TBC1D31: variants seen among roughly 807,000 people sequenced by gnomAD.
The protein encoded by TBC1D31 is WD repeat domain 67.
A neutral mutation model predicts 132.9 loss-of-function variants in TBC1D31; 99 were observed. The ratio of observed to expected loss-of-function variants is 0.74; its 90% CI spans 0.63 to 0.88. TBC1D31 has a LOEUF of 0.88. TBC1D31 is among the 40% of genes least tolerant of loss of function. TBC1D31 has a pLI of 0.00. For synonymous variants in TBC1D31, 385 were observed against 419.4 expected (o/e 0.92, Z 1.00); for missense variants, 1,134 against 1,256.6 (o/e 0.90, Z 1.48).
At chr8:123,101,912 AC>A (rs951099950) in intron 7 of TBC1D31, among the ~76,000 whole-genome samples, 39 of 152,248 alleles carry the variant, frequency 2.6e-4, no homozygotes, top group Admixed American at 2.4e-3. Flanking sequence ...AACTAGTGCT[AC>A]TTTAGTGGCT....
the TBC1D31 span, among the ~76,000 whole-genome samples, chr8:123,159,826 C>T: frequency 6.6e-6 from 1 of 151,394 alleles, no homozygotes; most frequent in Non-Finnish European, 1.5e-5. Context: ...ATGATTAATA[C>T]GCTGAGGGGT....
chr8:123,160,693 C>T, the TBC1D31 span, among the ~76,000 whole-genome samples: 1 of 152,308 alleles, frequency 6.6e-6, no homozygotes, highest in East Asian at 1.9e-4. Context: ...GCGCCACTAG[C>T]CGGTACAGGG....
At position 123,126,833 on chromosome 8, in the gene TBC1D31, C is replaced by T. The variant is rs889165594; in HGVS notation, c.1884+146C>T. 9.3e-5 allele frequency: 59 copies of T among 637,236 alleles called. No homozygotes were observed. The African/African-American group carries it at 1.1e-3, about 12-fold the overall frequency. The allele number at this position is 637,236 out of a possible 1,614,324, so 39.5% of individuals were successfully genotyped here. A position where few individuals can be genotyped will look rare whatever the true frequency, so the allele number is the denominator to read the frequency against. ...CTCAGCTCACTGCAACCTCCGCCTCCCAAGTTCAAGCGATTCTCCTGCCTC... is the reference window on the plus strand; with the variant it reads ...CTCAGCTCACTGCAACCTCCGCCTCTCAAGTTCAAGCGATTCTCCTGCCTC... On this transcript the variant is annotated intron_variant, in intron 13 of 21. Coordinates refer to ENST00000287380, the MANE Select transcript of TBC1D31 (RefSeq NM_145647.4).
intron 5 of TBC1D31, among the ~76,000 whole-genome samples, chr8:123,093,966 TTG>T (rs776616323): frequency 1.4e-4 from 22 of 152,112 alleles, no homozygotes; most frequent in Non-Finnish European, 2.6e-4. Context: ...TTTTTTTTGT[TTG>T]TGTGTGTGTG....
the TBC1D31 span, among the ~76,000 whole-genome samples, chr8:123,162,984 CCA>C: frequency 6.6e-6 from 1 of 152,090 alleles, no homozygotes; most frequent in African/African-American, 2.4e-5. Flanking sequence ...AGGCGCGCCA[CCA>C]CACTCAGCTA....
rs564251628 is a variant in TBC1D31 at position 123,093,579 on chromosome 8, A to G, written c.520-12A>G. The G allele has an allele frequency of 7.6e-6, 12 of 1,585,782 alleles. No individual in the cohort carries two copies. The highest frequency in any genetic ancestry group is 6.7e-5 in the African/African-American group (5 of 74,388). On this transcript the variant is annotated splice_polypyrimidine_tract_variant and intron_variant, in intron 4 of 21. Coordinates refer to ENST00000287380, the MANE Select transcript of TBC1D31 (RefSeq NM_145647.4). Reference sequence around the variant, plus strand: ...CCTTATGTGAAAACTAACTTTCTCTATTCCTCCTTAGGTTTTCTTTCTACC... The same window carrying G: ...CCTTATGTGAAAACTAACTTTCTCTGTTCCTCCTTAGGTTTTCTTTCTACC...
intron 4 of TBC1D31, 46 bp from the exon 5 acceptor site, chr8:123,093,545 C>G (rs752000762): frequency 9.5e-5 from 132 of 1,385,248 alleles, no homozygotes; most frequent in Non-Finnish European, 9.6e-5. Context: ...TTTAAAGTCT[C>G]TATGTGAACC....
intron 2 of TBC1D31, among the ~76,000 whole-genome samples, chr8:123,077,983 G>A (rs1156864882): frequency 6.6e-6 from 1 of 151,926 alleles, no homozygotes; most frequent in East Asian, 1.9e-4. Flanking sequence ...AGGAGGTGGA[G>A]GTTTCAGTGA....
At chr8:123,157,043 C>G (rs1049938607), downstream of TBC1D31, among the ~76,000 whole-genome samples, 9 of 152,230 alleles carry the variant, frequency 5.9e-5, no homozygotes, top group African/African-American at 1.9e-4. Context: ...GGCCCTTACA[C>G]GTGCTCTTTC....
At chr8:123,089,420 T>C (rs912850853) in intron 4 of TBC1D31, among the ~76,000 whole-genome samples, 2 of 152,216 alleles carry the variant, frequency 1.3e-5, no homozygotes, top group African/African-American at 4.8e-5. Context: ...TGCAGTTAGA[T>C]AATTTGCTTA....
intron 2 of TBC1D31, among the ~76,000 whole-genome samples, chr8:123,082,120 C>G (rs1815225248): frequency 6.6e-6 from 1 of 152,118 alleles, no homozygotes; most frequent in Non-Finnish European, 1.5e-5. Flanking sequence ...TTATTATTTC[C>G]TACCCCCAAA....
chr8:123,078,420 G>A (rs1176061347), intron 2 of TBC1D31, among the ~76,000 whole-genome samples: 1 of 152,146 alleles, frequency 6.6e-6, no homozygotes, highest in Admixed American at 6.5e-5. Flanking sequence ...AATATATAGA[G>A]ATAGATATAG....
chr8:123,106,997 C>T (rs544081491), intron 8 of TBC1D31, among the ~76,000 whole-genome samples: 17 of 152,220 alleles, frequency 1.1e-4, no homozygotes, highest in Non-Finnish European at 1.9e-4. Flanking sequence ...TATTGTCTAC[C>T]AGGGAAATTT....
chr8:123,157,177 G>C, the TBC1D31 span, among the ~76,000 whole-genome samples: 1 of 152,190 alleles, frequency 6.6e-6, no homozygotes, highest in East Asian at 1.9e-4. Context: ...ACTTTGACAA[G>C]CAAACAACGC....
At chr8:123,113,740 AAAGC>A (rs1818661375) in intron 10 of TBC1D31, among the ~76,000 whole-genome samples, 1 of 137,784 alleles carries the variant, frequency 7.3e-6, no homozygotes, top group South Asian at 2.2e-4. Flanking sequence ...TTAAAGCTTC[AAAGC>A]AATTTTTTTT....
intron 2 of TBC1D31, 62 bp downstream of exon 2, chr8:123,077,319 G>T (rs781663484): frequency 8.0e-5 from 115 of 1,436,952 alleles, no homozygotes; most frequent in Non-Finnish European, 1.0e-4. Flanking sequence ...GACTGTTTTC[G>T]TACCTGCTAT....
the TBC1D31 span, among the ~76,000 whole-genome samples, chr8:123,164,312 C>T: frequency 3.9e-5 from 6 of 152,206 alleles, no homozygotes; most frequent in Non-Finnish European, 2.9e-5. Context: ...CATCAAAACT[C>T]CCTTGGCCCA....
chr8:123,097,470 C>A (rs749369720), intron 6 of TBC1D31, 29 bp downstream of exon 6: 1 of 1,603,104 alleles, frequency 6.2e-7, no homozygotes, highest in South Asian at 1.1e-5. Context: ...GGGCACTGTA[C>A]TTTTTGAGAA....
chr8:123,154,257 G>T (rs577738677), downstream of TBC1D31, among the ~76,000 whole-genome samples: 15 of 152,338 alleles, frequency 9.8e-5, no homozygotes, highest in Admixed American at 9.2e-4. Context: ...TTTGGATAAG[G>T]AAAGTTTAAT....
Sources: allele counts gnomAD v4.1 joint callset (sites outside exome capture counted in the v4.1 genomes callset), GRCh38; gene constraint gnomAD v4.1.1; transcripts MANE v1.5; gene names NCBI Gene and HGNC (gene_info 2026-07-23, HGNC 2026-07-21).